The following MSRA variants were observed in gnomAD, a reference collection of about 807,000 sequenced individuals.
The protein encoded by MSRA is methionine sulfoxide reductase A, also known as mitochondrial peptide methionine sulfoxide reductase.
Under a neutral mutation model 31.3 loss-of-function variants are expected in MSRA, and 54 were observed. The observed-to-expected ratio is 1.73, with a 90% CI of 1.39 to 2.17. MSRA has a LOEUF of 2.17. Among genes scored for constraint, MSRA ranks in the 30% most tolerant of loss-of-function variants. The pLI is 0.00. For synonymous variants in MSRA, 169 were observed against 116.5 expected (o/e 1.45, Z -2.90); for missense variants, 507 against 300.9 (o/e 1.69, Z -5.07).
intron 2 of MSRA, among the ~76,000 whole-genome samples, chr8:10,239,797 T>C (rs1227464756): frequency 6.6e-6 from 1 of 152,196 alleles, no homozygotes; most frequent in Non-Finnish European, 1.5e-5. Context: ...GTCAATCCTG[T>C]TTCTCTCCTT....
At chr8:10,117,992 G>C (rs1188597755) in intron 1 of MSRA, among the ~76,000 whole-genome samples, 2 of 152,182 alleles carry the variant, frequency 1.3e-5, no homozygotes, top group Non-Finnish European at 1.5e-5. Flanking sequence ...CACTCTGAGA[G>C]AGGTTTAATT....
intron 1 of MSRA, among the ~76,000 whole-genome samples, chr8:10,140,694 C>T (rs1802626307): frequency 6.6e-6 from 1 of 151,978 alleles, no homozygotes; most frequent in Non-Finnish European, 1.5e-5. Context: ...CAGAAGTTAC[C>T]AGTGCACAGG....
chr8:10,309,508 CT>C (rs1563335116), intron 4 of MSRA, among the ~76,000 whole-genome samples: 1 of 152,216 alleles, frequency 6.6e-6, no homozygotes, highest in Non-Finnish European at 1.5e-5. Context: ...CTGATTACCC[CT>C]GATGGCTTCC....
At chr8:10,113,846 A>T (rs1382666444) in intron 1 of MSRA, among the ~76,000 whole-genome samples, 1 of 152,124 alleles carries the variant, frequency 6.6e-6, no homozygotes, top group Non-Finnish European at 1.5e-5. Context: ...TTTTATAATT[A>T]TACAATTCAG....
chr8:10,322,494 A>G (rs550912967), intron 5 of MSRA, among the ~76,000 whole-genome samples: 1 of 152,294 alleles, frequency 6.6e-6, no homozygotes, highest in East Asian at 1.9e-4. Context: ...GATTTTTTGT[A>G]CAAGTGTACA....
intron 1 of MSRA, among the ~76,000 whole-genome samples, chr8:10,057,770 C>T (rs10081447): frequency 0.066 from 9,991 of 152,258 alleles, 580 homozygotes; most frequent in African/African-American, 0.15. Context: ...CCAGCTTCCT[C>T]TTCTGCCATG....
At chr8:10,094,379 G>T (rs1337435052) in intron 1 of MSRA, among the ~76,000 whole-genome samples, 1 of 152,228 alleles carries the variant, frequency 6.6e-6, no homozygotes, top group East Asian at 1.9e-4. Context: ...AATGACACAT[G>T]ATCCTAATTG....
intron 1 of MSRA, among the ~76,000 whole-genome samples, chr8:10,098,816 A>T (rs1799344912): frequency 6.6e-6 from 1 of 152,250 alleles, no homozygotes; most frequent in African/African-American, 2.4e-5. Context: ...AGGGAGGAAG[A>T]AACTGAGATT....
chr8:10,054,414 GC>G lies in MSRA; in HGVS notation c.-97del, dbSNP rs1802165903. The G allele has an allele frequency of 2.2e-5, 5 of 229,078 alleles. No homozygotes were observed. The highest frequency in any genetic ancestry group is 2.1e-5 in the Non-Finnish European group (3 of 144,500). 14.2% of individuals were successfully genotyped at this position (229,078 alleles called of 1,614,324 possible). A position where few individuals can be genotyped will look rare whatever the true frequency, so the allele number is the denominator to read the frequency against. On this transcript the variant is annotated 5_prime_UTR_variant, in exon 1 of 6. Coordinates refer to ENST00000317173, the MANE Select transcript of MSRA (RefSeq NM_012331.5). ...GCGCCCGCCCGCCCGCGCCCCTGCC[GC>G]CCCCCGGTTCCGGCCGCGGACCCCA...
chr8:10,328,926 T>G (rs1198683075), intron 5 of MSRA, among the ~76,000 whole-genome samples: 1 of 152,188 alleles, frequency 6.6e-6, no homozygotes, highest in Admixed American at 6.5e-5. Flanking sequence ...GAGACCAAAT[T>G]CAGAGGCTGT....
At chr8:10,274,816 T>C (rs11249980) in intron 3 of MSRA, among the ~76,000 whole-genome samples, 113,475 of 151,486 alleles carry the variant, frequency 0.75, 42,487 homozygotes, top group Admixed American at 0.82. Flanking sequence ...TCCATCCATC[T>C]ACCCATCCAC....
At chr8:10,266,306 A>G (rs1056431811) in intron 3 of MSRA, among the ~76,000 whole-genome samples, 2 of 152,168 alleles carry the variant, frequency 1.3e-5, no homozygotes, top group Non-Finnish European at 2.9e-5. Flanking sequence ...GTGTAGCCGT[A>G]TCCTACTGTG....
intron 3 of MSRA, among the ~76,000 whole-genome samples, chr8:10,246,387 A>G (rs979629321): frequency 1.8e-4 from 28 of 152,228 alleles, no homozygotes; most frequent in African/African-American, 6.5e-4. Flanking sequence ...CTTTCCTGCC[A>G]GCTCAGATAG....
At chr8:10,286,273 C>G (rs2129111682) in intron 3 of MSRA, among the ~76,000 whole-genome samples, 1 of 152,240 alleles carries the variant, frequency 6.6e-6, no homozygotes, top group South Asian at 2.1e-4. Flanking sequence ...ATCTTGAATT[C>G]CCATGTGTTG....
At chr8:10,058,060 A>C (rs975139642) in intron 1 of MSRA, among the ~76,000 whole-genome samples, 2 of 152,144 alleles carry the variant, frequency 1.3e-5, no homozygotes, top group African/African-American at 2.4e-5. Context: ...TAACTTTGAC[A>C]AGTTTGATTC....
intron 3 of MSRA, among the ~76,000 whole-genome samples, chr8:10,257,319 T>G (rs1798235353): frequency 6.6e-6 from 1 of 152,178 alleles, no homozygotes; most frequent in Non-Finnish European, 1.5e-5. Context: ...CCCCGGAACA[T>G]TTGACCTCAG....
intron 1 of MSRA, chr8:10,095,566 AAG>A (rs1799094942): frequency 1.0e-6 from 1 of 985,682 alleles, no homozygotes; most frequent in African/African-American, 1.7e-5. Context: ...GAGAGAGAGA[AAG>A]AGGGAGAGAG....
At chr8:10,360,748 G>A (rs1053119476) in intron 5 of MSRA, among the ~76,000 whole-genome samples, 4 of 152,246 alleles carry the variant, frequency 2.6e-5, no homozygotes, top group Non-Finnish European at 5.9e-5. Context: ...TCATTTGGGC[G>A]ACAGGGATGT....
intron 3 of MSRA, among the ~76,000 whole-genome samples, chr8:10,295,500 C>G (rs1305280741): frequency 3.3e-5 from 5 of 152,190 alleles, no homozygotes; most frequent in Admixed American, 3.3e-4. Flanking sequence ...CTAGATGAGC[C>G]CCACCTGGGA....
Sources: allele counts gnomAD v4.1 joint callset (sites outside exome capture counted in the v4.1 genomes callset), GRCh38; gene constraint gnomAD v4.1.1; transcripts MANE v1.5; gene names NCBI Gene and HGNC (gene_info 2026-07-23, HGNC 2026-07-21).